The following SPEF2 variants were observed in gnomAD, a reference collection of about 807,000 sequenced individuals.
The protein encoded by SPEF2 is sperm flagella and cilia-associated protein 2.
Under a neutral mutation model 224.6 loss-of-function variants are expected in SPEF2, and 187 were observed. The ratio of observed to expected loss-of-function variants is 0.83; its 90% CI spans 0.74 to 0.94. SPEF2 has a LOEUF of 0.94. Ranked by LOEUF, SPEF2 falls within the 40% of genes least tolerant of loss-of-function variation. The probability of loss-of-function intolerance (pLI) is 0.00; values close to 1 mark genes in which losing one functional copy is unlikely to be tolerated. For missense variants in SPEF2, 2,170 were observed against 2,135.6 expected (o/e 1.02, Z -0.32); for synonymous variants, 715 against 707.3 (o/e 1.01, Z -0.17).
At chr5:35,734,678 CA>C (rs1429203956) in intron 21 of SPEF2, among the ~76,000 whole-genome samples, 1 of 149,054 alleles carries the variant, frequency 6.7e-6, no homozygotes, top group Non-Finnish European at 1.5e-5. Context: ...CACTTCACAA[CA>C]CTTAGTATGT....
At chr5:35,753,518 C>A in intron 23 of SPEF2, 106 bp from the exon 24 acceptor site, 5 of 1,496,420 alleles carry the variant, frequency 3.3e-6, no homozygotes, top group Non-Finnish European at 4.6e-6. Flanking sequence ...TGTAAAATTT[C>A]TTTAGAGACA....
intron 10 of SPEF2, among the ~76,000 whole-genome samples, chr5:35,681,706 T>C (rs1752831916): frequency 6.6e-6 from 1 of 152,230 alleles, no homozygotes; most frequent in African/African-American, 2.4e-5. Context: ...ATTTTTTTTG[T>C]GCATTTTATA....
intron 23 of SPEF2, among the ~76,000 whole-genome samples, chr5:35,745,744 A>G (rs1265955039): frequency 6.6e-6 from 1 of 152,188 alleles, no homozygotes; most frequent in Non-Finnish European, 1.5e-5. Context: ...CCACCCTGGT[A>G]GTGGAAGACA....
intron 20 of SPEF2, among the ~76,000 whole-genome samples, chr5:35,718,921 T>G (rs914194102): frequency 6.6e-6 from 1 of 152,202 alleles, no homozygotes; most frequent in African/African-American, 2.4e-5. Flanking sequence ...GGACTCCTTA[T>G]CATAAGCTGA....
intron 30 of SPEF2, chr5:35,788,325 A>G (rs962868575): frequency 7.1e-6 from 5 of 703,054 alleles, no homozygotes; most frequent in Non-Finnish European, 1.3e-5. Flanking sequence ...AAATTAGATG[A>G]TATGAAAGGT....
chr5:35,704,448 C>A, intron 16 of SPEF2, 106 bp from the exon 17 acceptor site: 2 of 638,932 alleles, frequency 3.1e-6, no homozygotes, highest in Non-Finnish European at 5.5e-6. Flanking sequence ...AACACTGGAC[C>A]AAATACAGGA....
At chr5:35,643,756 C>T (rs191109704) in intron 3 of SPEF2, 10 of 291,262 alleles carry the variant, frequency 3.4e-5, no homozygotes, top group South Asian at 2.0e-4. Flanking sequence ...TGTGCCAAGC[C>T]CTGTTTCAGG....
intron 25 of SPEF2, among the ~76,000 whole-genome samples, chr5:35,760,594 A>T (rs967590143): frequency 1.3e-5 from 2 of 152,200 alleles, no homozygotes; most frequent in African/African-American, 2.4e-5. Flanking sequence ...CCAGCAAAAA[A>T]ATAAACTTGG....
At chr5:35,670,339 G>T in intron 10 of SPEF2, 112 bp downstream of exon 10, 1 of 1,438,914 alleles carries the variant, frequency 6.9e-7, no homozygotes. Context: ...GACATGTTTT[G>T]TTTGCATTTT....
rs757432359 is a variant in SPEF2, at chr5:35,776,363, G to A, written c.4185G>A (p.Trp1395Ter). The A allele has an allele frequency of 1.2e-6, 2 of 1,610,670 alleles. No individual in the cohort carries two copies. Among genetic ancestry groups the A allele is most frequent in the Admixed American group, 3.4e-5 (2 of 59,374 alleles). The change falls in exon 29 of 37, where the codon TGG becomes TGA. Residue 1395 changes from tryptophan to a stop codon, truncating the protein, a stop_gained. Coordinates refer to ENST00000356031, the MANE Select transcript of SPEF2 (RefSeq NM_024867.4). LOFTEE classifies it high-confidence loss of function. ...VVDVYKLMEK[W>*]LGERYLNEMA... Reference sequence around the variant, plus strand: ...ATGTATATAAACTCATGGAAAAATGGCTTGGTGAGAGGTATTTGAATGAAA... The same window carrying A: ...ATGTATATAAACTCATGGAAAAATGACTTGGTGAGAGGTATTTGAATGAAA...
rs747159267 is a variant in SPEF2, at chr5:35,753,753, C to G, written c.3460C>G (p.Leu1154Val). Residue 1154 changes from leucine to valine, a missense_variant, in exon 24 of 37, where the codon CTG becomes GTG. By Grantham distance (32) the Leu-to-Val change is conservative. Transcript: ENST00000356031. The stretch of plus-strand genomic sequence containing the variant: ...AATGACAATGAACCATTTCTTTTCC[C>G]TGATGCAGGTAAGAGCAGCTGGTCA... ...LGMTMNHFFSLMQAELNRFQD... is the reference protein window; with the variant it reads ...LGMTMNHFFSVMQAELNRFQD... 1 of 1,614,050 alleles carries G rather than the reference C, an allele frequency of 6.2e-7. No homozygotes were observed. The highest frequency in any genetic ancestry group is 1.7e-5 in the Admixed American group (1 of 60,008).
chr5:35,761,353 A>C (rs1205927029), intron 25 of SPEF2, among the ~76,000 whole-genome samples: 3 of 152,210 alleles, frequency 2.0e-5, no homozygotes, highest in Non-Finnish European at 4.4e-5. Flanking sequence ...TCTACAAAGC[A>C]TTTAGTACCA....
rs577048640 is a variant in SPEF2 at position 35,738,168 on chromosome 5, T to C, written c.3064-1751T>C. On this transcript the variant is annotated intron_variant, in intron 21 of 36. Coordinates refer to ENST00000356031, the MANE Select transcript of SPEF2 (RefSeq NM_024867.4). ...ATTTTCTCCCCTTCTGTAGGTTGCC[T>C]GTTCACTCTGATGTAGTTTCTTTTG... is the stretch of plus-strand genomic sequence containing the variant. Among the ~76,000 whole-genome samples the C allele has an allele frequency of 7.2e-5, 11 of 152,322 alleles. No individual in the cohort carries two copies. In the South Asian group the frequency reaches 2.1e-3, roughly 29 times the overall value.
intron 18 of SPEF2, among the ~76,000 whole-genome samples, chr5:35,706,434 A>G (rs9292604): frequency 0.54 from 81,480 of 151,808 alleles, 22,292 homozygotes; most frequent in African/African-American, 0.56. Context: ...AACTTTTTAT[A>G]CTATTATTGA....
chr5:35,624,739 C>CAATT (rs953088330), intron 1 of SPEF2, among the ~76,000 whole-genome samples: 4 of 152,148 alleles, frequency 2.6e-5, no homozygotes, highest in Admixed American at 2.0e-4. Flanking sequence ...TGGGTTCAAG[C>CAATT]AATTCCCCTG....
At chr5:35,702,422 G>A (rs1162318786) in intron 16 of SPEF2, 1 of 420,988 alleles carries the variant, frequency 2.4e-6, no homozygotes, top group Non-Finnish European at 4.8e-6. Context: ...TGGAAGAGGA[G>A]GTGACTGCCT....
intron 8 of SPEF2, among the ~76,000 whole-genome samples, chr5:35,661,925 C>A (rs1749798734): frequency 6.6e-6 from 1 of 152,030 alleles, no homozygotes; most frequent in South Asian, 2.1e-4. Context: ...GATTTATATT[C>A]CTTTGGGTAT....
At chr5:35,661,254 T>TTATATATATATATA (rs550178866) in intron 8 of SPEF2, among the ~76,000 whole-genome samples, 60 of 93,980 alleles carry the variant, frequency 6.4e-4, no homozygotes, top group Non-Finnish European at 1.0e-3. Context: ...TTGGTATATA[T>TTATATATATATATA]TATATATATA....
chr5:35,799,261 GGTGTGGCCTAT>G (rs1256796151), intron 33 of SPEF2, among the ~76,000 whole-genome samples: 1 of 152,204 alleles, frequency 6.6e-6, no homozygotes, highest in African/African-American at 2.4e-5. Context: ...TATGTGCCTG[GGTGTGGCCTAT>G]GTGTTCCAGG....
Sources: allele counts gnomAD v4.1 joint callset (sites outside exome capture counted in the v4.1 genomes callset), GRCh38; gene constraint gnomAD v4.1.1; transcripts MANE v1.5; gene names NCBI Gene and HGNC (gene_info 2026-07-23, HGNC 2026-07-21).